Variants in MARCHF5 observed in about 807,000 individuals in gnomAD.
MARCHF5 encodes the protein membrane associated ring-CH-type finger 5.
In MARCHF5, 5 loss-of-function variants were observed where a neutral mutation model predicts 36.5. The observed-to-expected ratio is 0.14, with a 90% CI of 0.07 to 0.29. The LOEUF is 0.29. MARCHF5 is among the 10% of genes least tolerant of loss of function. The pLI, the probability that MARCHF5 is intolerant of heterozygous loss-of-function variation, is 1.00. For missense variants in MARCHF5, 179 were observed against 336.3 expected (o/e 0.53, Z 3.66); for synonymous variants, 103 against 109.9 (o/e 0.94, Z 0.39).
intron 1 of MARCHF5, among the ~76,000 whole-genome samples, chr10:92,295,621 G>A (rs987070950): frequency 6.6e-6 from 1 of 151,462 alleles, no homozygotes; most frequent in Non-Finnish European, 1.5e-5. Flanking sequence ...TGTTAGCCAG[G>A]ATGGTCTCGA....
chr10:92,350,962 T>C, intron 5 of MARCHF5, 129 bp from the exon 6 acceptor site: 1 of 617,272 alleles, frequency 1.6e-6, no homozygotes, highest in Non-Finnish European at 2.9e-6. Context: ...AGAAAACTGT[T>C]TCATTTGCAG....
chr10:92,293,011 A>C (rs970374202), intron 1 of MARCHF5, among the ~76,000 whole-genome samples: 3 of 152,178 alleles, frequency 2.0e-5, no homozygotes, highest in African/African-American at 7.2e-5. Context: ...TATTCTGTTG[A>C]GACCCTGTTC....
intron 1 of MARCHF5, 189 bp downstream of exon 1, chr10:92,291,718 TAGA>T (rs1842869517): frequency 2.3e-6 from 1 of 443,154 alleles, no homozygotes; most frequent in African/African-American, 2.1e-5. Context: ...GCCTGGGTCG[TAGA>T]CTTTGGGTGA....
chr10:92,305,758 G>T (rs949220071), intron 1 of MARCHF5, among the ~76,000 whole-genome samples: 1 of 152,130 alleles, frequency 6.6e-6, no homozygotes, highest in Non-Finnish European at 1.5e-5. Flanking sequence ...TTTTGGTTTT[G>T]ACTAATAATT....
intron 1 of MARCHF5, among the ~76,000 whole-genome samples, chr10:92,293,034 T>G (rs1160643014): frequency 1.3e-5 from 2 of 152,136 alleles, no homozygotes; most frequent in African/African-American, 4.8e-5. Context: ...ATGTGGGGTA[T>G]TTTGTAGTTA....
At chr10:92,339,543 G>A (rs527979355) in intron 2 of MARCHF5, among the ~76,000 whole-genome samples, 2 of 152,060 alleles carry the variant, frequency 1.3e-5, no homozygotes, top group African/African-American at 2.4e-5. Flanking sequence ...GGTGGCAGAC[G>A]CCTGTAATCC....
At chr10:92,323,101 G>A (rs1291890384) in intron 2 of MARCHF5, among the ~76,000 whole-genome samples, 6 of 152,080 alleles carry the variant, frequency 3.9e-5, no homozygotes, top group African/African-American at 7.2e-5. Flanking sequence ...CTGTTAACAG[G>A]TGCAGTCATA....
chr10:92,294,324 G>C, intron 1 of MARCHF5, among the ~76,000 whole-genome samples: 1 of 152,058 alleles, frequency 6.6e-6, no homozygotes, highest in East Asian at 1.9e-4. Flanking sequence ...TACTTCACAG[G>C]GCTACAGCAA....
chr10:92,304,707 C>T (rs1474316207), intron 1 of MARCHF5, among the ~76,000 whole-genome samples: 3 of 152,148 alleles, frequency 2.0e-5, no homozygotes, highest in East Asian at 3.9e-4. Flanking sequence ...GGTTTGCTTG[C>T]ACTCATTATT....
At chr10:92,347,981 G>A (rs987398871) in intron 3 of MARCHF5, among the ~76,000 whole-genome samples, 12 of 151,824 alleles carry the variant, frequency 7.9e-5, no homozygotes, top group African/African-American at 1.9e-4. Context: ...TCAGGAGTTC[G>A]AGATCAGCCT....
intron 3 of MARCHF5, among the ~76,000 whole-genome samples, chr10:92,342,682 C>T (rs950826787): frequency 6.6e-6 from 1 of 152,198 alleles, no homozygotes; most frequent in African/African-American, 2.4e-5. Context: ...CAAAATCTTA[C>T]TCCCCAGCTT....
intron 1 of MARCHF5, among the ~76,000 whole-genome samples, chr10:92,304,031 A>G (rs969044239): frequency 6.6e-6 from 1 of 152,206 alleles, no homozygotes; most frequent in African/African-American, 2.4e-5. Context: ...AAGCTACCAG[A>G]AGGGTAATAA....
intron 1 of MARCHF5, among the ~76,000 whole-genome samples, chr10:92,292,792 A>G (rs1233076990): frequency 2.6e-5 from 4 of 152,194 alleles, no homozygotes; most frequent in African/African-American, 7.2e-5. Context: ...GAAACTTACT[A>G]TTGTTTATCT....
intron 1 of MARCHF5, among the ~76,000 whole-genome samples, chr10:92,299,942 G>A (rs1476331365): frequency 3.3e-5 from 5 of 151,842 alleles, no homozygotes; most frequent in Non-Finnish European, 1.5e-5. Context: ...CAGGAGGATC[G>A]CCTGATCTCA....
At chr10:92,321,576 G>A (rs1843288969) in intron 2 of MARCHF5, among the ~76,000 whole-genome samples, 1 of 152,018 alleles carries the variant, frequency 6.6e-6, no homozygotes, top group African/African-American at 2.4e-5. Flanking sequence ...TGGCTCATAG[G>A]ATAAGTTGGG....
intron 2 of MARCHF5, among the ~76,000 whole-genome samples, chr10:92,337,609 G>C (rs982976568): frequency 5.3e-5 from 8 of 152,064 alleles, no homozygotes; most frequent in African/African-American, 1.7e-4. Context: ...GGGCAAAAAG[G>C]CTCAAGAAAA....
At chr10:92,337,364 A>G (rs1396193744) in intron 2 of MARCHF5, among the ~76,000 whole-genome samples, 1 of 151,236 alleles carries the variant, frequency 6.6e-6, no homozygotes, top group African/African-American at 2.4e-5. Context: ...AAACTACAAA[A>G]TTAGCCGGGC....
Position 92,345,187 on chromosome 10 carries a change from C to T in MARCHF5, c.370-4162C>T, listed in dbSNP as rs540582267. On this transcript the variant is annotated intron_variant, in intron 3 of 5. Transcript: ENST00000358935. ...TGATTCTGAGTTAAAAAAAAAAAAACCCTGTTATTTCATCACTGTTTCATC... is the reference window on the plus strand; with the variant it reads ...TGATTCTGAGTTAAAAAAAAAAAAATCCTGTTATTTCATCACTGTTTCATC... Among the ~76,000 whole-genome samples the T allele has an allele frequency of 4.7e-5, 7 of 149,106 alleles. No homozygotes were observed. The South Asian group carries it at 1.5e-3, about 31-fold the overall frequency.
At chr10:92,344,183 G>A (rs1481250817) in intron 3 of MARCHF5, among the ~76,000 whole-genome samples, 1 of 152,100 alleles carries the variant, frequency 6.6e-6, no homozygotes, top group African/African-American at 2.4e-5. Flanking sequence ...TGAAAACTCT[G>A]ATCCCCAGCA....
Sources: allele counts gnomAD v4.1 joint callset (sites outside exome capture counted in the v4.1 genomes callset), GRCh38; gene constraint gnomAD v4.1.1; transcripts MANE v1.5; gene names NCBI Gene and HGNC (gene_info 2026-07-23, HGNC 2026-07-21).